The following CHMP3 variants were observed in gnomAD, a reference collection of about 807,000 sequenced individuals.
CHMP3 encodes 25.1 protein.
Under a neutral mutation model 27.4 loss-of-function variants are expected in CHMP3, and 8 were observed. That is an observed-to-expected ratio of 0.29 (90% confidence interval 0.17 to 0.53). The LOEUF (loss-of-function observed/expected upper bound fraction) is 0.53, where lower values mean the gene tolerates loss of function less well. Ranked by LOEUF, CHMP3 falls within the 20% of genes least tolerant of loss-of-function variation. The pLI is 0.96. For synonymous variants in CHMP3, 86 were observed against 85.5 expected, an observed-to-expected ratio of 1.01 and a Z score of -0.03; for missense variants, 208 against 271.5, an observed-to-expected ratio of 0.77 and a Z score of 1.64.
At chr2:86,541,435 G>T (rs1479370515) in intron 2 of CHMP3, 2 of 152,058 alleles carry the variant, frequency 1.3e-5, no homozygotes, top group East Asian at 3.8e-4. Context: ...ACAAATTCCA[G>T]CCACTCCCTG....
chr2:86,506,474 T>G (rs937022587), intron 5 of CHMP3, among the ~76,000 whole-genome samples: 1 of 152,146 alleles, frequency 6.6e-6, no homozygotes, highest in Non-Finnish European at 1.5e-5. Flanking sequence ...TACACAAAAG[T>G]ATGTATTTCA....
chr2:86,506,012 C>T, intron 5 of CHMP3, 63 bp from the exon 6 acceptor site: 1 of 1,448,830 alleles, frequency 6.9e-7, no homozygotes, highest in Non-Finnish European at 9.2e-7. Flanking sequence ...TCAATCTTCC[C>T]TGCCTTTCAT....
intron 1 of CHMP3, among the ~76,000 whole-genome samples, chr2:86,559,000 T>A (rs537645149): frequency 2.9e-4 from 44 of 152,294 alleles, no homozygotes; most frequent in African/African-American, 1.0e-3. Flanking sequence ...TAATTTTAGG[T>A]ATCTCCTCAG....
chr2:86,509,129 C>G (rs549128733), intron 4 of CHMP3, among the ~76,000 whole-genome samples: 2 of 152,220 alleles, frequency 1.3e-5, no homozygotes, highest in Non-Finnish European at 2.9e-5. Context: ...GCAAGCCTTC[C>G]TCCAAATCTG....
chr2:86,505,573 C>A lies in CHMP3; in HGVS notation c.*231G>T. On this transcript the variant is annotated 3_prime_UTR_variant, in exon 6 of 6. Coordinates refer to ENST00000263856, the MANE Select transcript of CHMP3 (RefSeq NM_016079.4). Reference sequence around the variant, plus strand: ...TTCATGAGCAGATGGATTTCTTTCCCCTCCCCACAATAAGATATATCTGTC... The same window carrying A: ...TTCATGAGCAGATGGATTTCTTTCCACTCCCCACAATAAGATATATCTGTC... The A allele has an allele frequency of 2.3e-6, 1 of 440,016 alleles. No homozygotes were observed. Among genetic ancestry groups the A allele is most frequent in the Non-Finnish European group, 3.7e-6 (1 of 269,568 alleles). 27.3% of individuals were successfully genotyped at this position (440,016 alleles called of 1,614,324 possible).
intron 1 of CHMP3, among the ~76,000 whole-genome samples, chr2:86,543,715 C>T (rs1480493019): frequency 6.6e-6 from 1 of 152,166 alleles, no homozygotes; most frequent in African/African-American, 2.4e-5. Context: ...TGCCAAATAA[C>T]CATCATTTTC....
intron 1 of CHMP3, among the ~76,000 whole-genome samples, chr2:86,546,844 G>A (rs1034331590): frequency 1.3e-5 from 2 of 152,082 alleles, no homozygotes; most frequent in African/African-American, 4.8e-5. Flanking sequence ...TCTGTTTGTT[G>A]GGTTGTATGA....
chr2:86,562,502 T>TA (rs1677412832), intron 1 of CHMP3, among the ~76,000 whole-genome samples: 1 of 152,108 alleles, frequency 6.6e-6, no homozygotes, highest in Non-Finnish European at 1.5e-5. Context: ...TAACTACCAA[T>TA]ATGAAAACTT....
At chr2:86,535,114 G>A (rs1325675057) in intron 2 of CHMP3, among the ~76,000 whole-genome samples, 2 of 152,056 alleles carry the variant, frequency 1.3e-5, no homozygotes, top group South Asian at 4.1e-4. Flanking sequence ...AAAATTAGCT[G>A]GTGCAGTGGC....
intron 3 of CHMP3, among the ~76,000 whole-genome samples, chr2:86,528,823 G>A (rs12105337): frequency 0.018 from 2,791 of 152,258 alleles, 92 homozygotes; most frequent in African/African-American, 0.064. Context: ...CAGAAAAGGA[G>A]GTGAACCAAA....
chr2:86,523,976 A>C (rs1255584109), intron 3 of CHMP3, among the ~76,000 whole-genome samples: 2 of 152,214 alleles, frequency 1.3e-5, no homozygotes, highest in Non-Finnish European at 2.9e-5. Context: ...TGCAGAAAGT[A>C]GATTACACAG....
intron 2 of CHMP3, among the ~76,000 whole-genome samples, chr2:86,533,225 G>A (rs182350595): frequency 1.5e-3 from 233 of 152,176 alleles, no homozygotes; most frequent in Non-Finnish European, 2.6e-3. Context: ...ATTGTCCATC[G>A]TATTCTTATA....
intron 3 of CHMP3, among the ~76,000 whole-genome samples, chr2:86,516,025 G>A (rs1049082287): frequency 4.6e-5 from 7 of 151,730 alleles, no homozygotes; most frequent in South Asian, 2.1e-4. Flanking sequence ...GCGCACGCCT[G>A]TAATCCCAGC....
At chr2:86,507,902 G>A (rs1248547245) in intron 4 of CHMP3, among the ~76,000 whole-genome samples, 1 of 152,228 alleles carries the variant, frequency 6.6e-6, no homozygotes, top group Non-Finnish European at 1.5e-5. Flanking sequence ...CTCACTGACA[G>A]ATGAGTGTAT....
intron 1 of CHMP3, among the ~76,000 whole-genome samples, chr2:86,552,139 T>A (rs1439045434): frequency 6.6e-6 from 1 of 152,182 alleles, no homozygotes; most frequent in Non-Finnish European, 1.5e-5. Flanking sequence ...ACCAAATGTA[T>A]AAGTTTTTCA....
chr2:86,537,411 T>C (rs1354135724), intron 2 of CHMP3, among the ~76,000 whole-genome samples: 1 of 152,212 alleles, frequency 6.6e-6, no homozygotes, highest in African/African-American at 2.4e-5. Flanking sequence ...CTTTAGTTCT[T>C]TGCACATCGA....
chr2:86,520,011 G>A (rs1675462439), intron 3 of CHMP3, among the ~76,000 whole-genome samples: 1 of 152,150 alleles, frequency 6.6e-6, no homozygotes, highest in Non-Finnish European at 1.5e-5. Flanking sequence ...TAATAAATGT[G>A]TGTGGTATGT....
chr2:86,508,686 T>G (rs1017262311), intron 4 of CHMP3, among the ~76,000 whole-genome samples: 1 of 152,196 alleles, frequency 6.6e-6, no homozygotes, highest in African/African-American at 2.4e-5. Context: ...CAATTCTCAG[T>G]GACTATGCTG....
Position 86,529,393 on chromosome 2 carries a change from G to T in CHMP3, c.111C>A (p.Ile37=). The T allele has an allele frequency of 1.9e-6, 3 of 1,593,790 alleles. No homozygotes were observed. The highest frequency in any genetic ancestry group is 1.8e-5 in the Admixed American group (1 of 56,328). ...GTTTCACTTTTTCTTCTTCTCTTTG[G>T]ATATCTAAATTTAGAACAGAACACC... ...MRVVDRQIRD[I]QREEEKVKRS... The change falls in exon 3 of 6, where the codon ATC becomes ATA. Residue 37 remains isoleucine (I), a synonymous_variant. Coordinates refer to ENST00000263856, the MANE Select transcript of CHMP3 (RefSeq NM_016079.4).
Sources: gnomAD v4.1 joint callset for allele counts (sites outside exome capture counted in the v4.1 genomes callset) on GRCh38, gnomAD v4.1.1 for gene constraint, MANE v1.5 for transcripts, NCBI Gene and HGNC (gene_info 2026-07-23, HGNC 2026-07-21) for gene names.